Variants in PPARA observed in about 807,000 individuals in gnomAD.
The protein encoded by PPARA is peroxisome proliferator activated receptor alpha, also known as peroxisome proliferator-activated receptor alpha.
A neutral mutation model predicts 42.2 loss-of-function variants in PPARA; 22 were observed. The observed-to-expected ratio is 0.52, with a 90% confidence interval of 0.37 to 0.74. The LOEUF is 0.74. PPARA is among the 30% of genes least tolerant of loss of function. The pLI is 0.00. For synonymous variants in PPARA, 242 were observed against 239.3 expected (o/e 1.01, Z -0.10); for missense variants, 465 against 608.2 (o/e 0.76, Z 2.48).
rs1360901989 is a variant in PPARA at position 46,227,026 on chromosome 22, T to C, written c.712-4766T>C. Reference sequence around the variant, plus strand: ...GGGTGACCTCCAGGGTGCCGTGTTATAACAGGACTGCTCCTTTCAACAGCT... The same window carrying C: ...GGGTGACCTCCAGGGTGCCGTGTTACAACAGGACTGCTCCTTTCAACAGCT... On this transcript the variant is annotated intron_variant, in intron 7 of 8. Coordinates refer to ENST00000407236, the MANE Select transcript of PPARA (RefSeq NM_005036.6). This position sits in a 1 kb window ranked among gnomAD's most constrained non-coding sequence, Gnocchi z 4.3. 1.3e-5 allele frequency among the ~76,000 whole-genome samples: 2 copies of C among 152,162 alleles called. No individual in the cohort carries two copies. The highest frequency in any genetic ancestry group is 3.9e-4 in the East Asian group (2 of 5,184).
Position 46,184,982 on chromosome 22 carries a change from G to A in PPARA, c.-43+8146G>A, listed in dbSNP as rs561031006. Among the ~76,000 whole-genome samples, 22 of 152,248 alleles carry A rather than the reference G, an allele frequency of 1.4e-4. No individual in the cohort carries two copies. Among genetic ancestry groups the A allele is most frequent in the Non-Finnish European group, 3.1e-4 (21 of 68,046 alleles). On this transcript the variant is annotated intron_variant, in intron 3 of 8. Coordinates refer to ENST00000407236, the MANE Select transcript of PPARA (RefSeq NM_005036.6). This position sits in a 1 kb window ranked among gnomAD's most constrained non-coding sequence, Gnocchi z 4.4. ...TTTCCCAGTGAGTGACCATCTGTGT[G>A]TGTGTATTCATCCATTCCATGGAGT...
At chr22:46,185,620 C>T (rs1252646978) in intron 3 of PPARA, among the ~76,000 whole-genome samples, 3 of 151,658 alleles carry the variant, frequency 2.0e-5, no homozygotes, top group Non-Finnish European at 4.4e-5. Context: ...TCTGGCTGGG[C>T]GCGGTGGCTC....
At chr22:46,178,608 G>T (rs1162646985) in intron 3 of PPARA, among the ~76,000 whole-genome samples, 1 of 152,126 alleles carries the variant, frequency 6.6e-6, no homozygotes, top group African/African-American at 2.4e-5. Context: ...TATACAGAGG[G>T]ACTCCAGAGA....
rs1306610366 is a variant in PPARA at position 46,190,085 on chromosome 22, G to A, written c.-42-8257G>A. ...CTTCTGGGTTTGTTTATTCTGAAATGTTATTTTAAATCTTAGCCCAACAAA... is the reference window on the plus strand; with the variant it reads ...CTTCTGGGTTTGTTTATTCTGAAATATTATTTTAAATCTTAGCCCAACAAA... On this transcript the variant is annotated intron_variant, in intron 3 of 8. Transcript: ENST00000407236. The surrounding 1 kb of genome is among the most constrained non-coding windows in gnomAD (Gnocchi z 5.6). 2.6e-5 allele frequency among the ~76,000 whole-genome samples: 4 copies of A among 152,164 alleles called. No individual in the cohort carries two copies. The highest frequency in any genetic ancestry group is 4.8e-5 in the African/African-American group (2 of 41,432).
In PPARA at chr22:46,235,429, C is replaced by A. The variant is rs771960362; in HGVS notation, c.*49C>A. The A allele has an allele frequency of 1.2e-6, 2 of 1,604,976 alleles. No individual in the cohort carries two copies. The highest frequency in any genetic ancestry group is 1.1e-5 in the South Asian group (1 of 89,730). On this transcript the variant is annotated 3_prime_UTR_variant, in exon 9 of 9. Coordinates refer to ENST00000407236, the MANE Select transcript of PPARA (RefSeq NM_005036.6). The surrounding 1 kb of genome is among the most constrained non-coding windows in gnomAD (Gnocchi z 7.0). ...TTTCCAGGAGTTCTGAAGCTGACAG[C>A]ACTACAAAGGAGACGGGGGAGCAGC...
chr22:46,166,985 T>C (rs187259150), intron 2 of PPARA, among the ~76,000 whole-genome samples: 16 of 152,272 alleles, frequency 1.1e-4, no homozygotes, highest in African/African-American at 3.8e-4. Flanking sequence ...TCAAGAATTA[T>C]TATAAAGCTA....
chr22:46,231,943 C>T lies in PPARA; in HGVS notation c.863C>T (p.Thr288Met), dbSNP rs1238946487. 1.2e-6 allele frequency: 2 copies of T among 1,614,198 alleles called. No homozygotes were observed. Among genetic ancestry groups the T allele is most frequent in the Non-Finnish European group, 1.7e-6 (2 of 1,180,046 alleles). The part of the protein sequence containing the change: ...CTSVETVTEL[T>M]EFAKAIPGFA... Reference sequence around the variant, plus strand: ...TCAGTGGAGACCGTCACGGAGCTCACGGAATTCGCCAAGGCCATCCCAGGC... The same window carrying T: ...TCAGTGGAGACCGTCACGGAGCTCATGGAATTCGCCAAGGCCATCCCAGGC... The change falls in exon 8 of 9, where the codon ACG becomes ATG. Residue 288 changes from threonine (T) to methionine (M), a missense_variant. Around this residue, in one of 2 missense-constraint regions of PPARA, gnomAD observed 313 missense variants for 469.1 expected, o/e 0.67. Transcript: ENST00000407236. This position sits in a 1 kb window ranked among gnomAD's most constrained non-coding sequence, Gnocchi z 7.7.
In PPARA at chr22:46,242,673, G is replaced by A. The variant is rs1936403580; in HGVS notation, c.*7293G>A. ...TAAAAGCCTGGCTCTTGACCCTATT[G>A]GAAACACAAAGGAAGCTGAAATCAA... On this transcript the variant is annotated 3_prime_UTR_variant, in exon 9 of 9. Transcript: ENST00000407236. The surrounding 1 kb of genome is among the most constrained non-coding windows in gnomAD (Gnocchi z 6.1). 6.6e-6 allele frequency: 1 copy of A among 151,772 alleles called. No homozygotes were observed. Among genetic ancestry groups the A allele is most frequent in the South Asian group, 2.1e-4 (1 of 4,804 alleles). The allele number at this position is 151,772 out of a possible 1,614,324, so 9.4% of individuals were successfully genotyped here. A position where few individuals can be genotyped will look rare whatever the true frequency, so the allele number is the denominator to read the frequency against.
chr22:46,205,542 ATATATATATATATTTTTTTTTTTT>A (rs1933182123), intron 4 of PPARA, among the ~76,000 whole-genome samples: 1 of 29,596 alleles, frequency 3.4e-5, no homozygotes, highest in African/African-American at 1.7e-4. Flanking sequence ...ATATATATAT[ATATATATATATATTTTTTTTTTTT>A]TTTTTTTTTT....
intron 3 of PPARA, among the ~76,000 whole-genome samples, chr22:46,185,164 C>CTCT (rs1930489934): frequency 6.6e-6 from 1 of 152,194 alleles, no homozygotes; most frequent in South Asian, 2.1e-4. Flanking sequence ...GACTGGTCCT[C>CTCT]TCTTACTTCT....
chr22:46,227,564 T>G lies in PPARA; in HGVS notation c.712-4228T>G, dbSNP rs1473092650. 6.6e-6 allele frequency among the ~76,000 whole-genome samples: 1 copy of G among 152,184 alleles called. No homozygotes were observed. The highest frequency in any genetic ancestry group is 1.5e-5 in the Non-Finnish European group (1 of 68,026). The stretch of plus-strand genomic sequence containing the variant: ...ACTGCGCCTGGTCCACATTTAATTT[T>G]TTGCAAAAAGATGACAGCTGCTAAC... On this transcript the variant is annotated intron_variant, in intron 7 of 8. Transcript: ENST00000407236. This position sits in a 1 kb window ranked among gnomAD's most constrained non-coding sequence, Gnocchi z 4.3.
chr22:46,208,059 A>G (rs985696164), intron 4 of PPARA, among the ~76,000 whole-genome samples: 1 of 152,012 alleles, frequency 6.6e-6, no homozygotes, highest in Non-Finnish European at 1.5e-5. Flanking sequence ...TTGTTTCTCT[A>G]CATGTTATAT....
chr22:46,232,358 G>C lies in PPARA; in HGVS notation c.1159+119G>C. ...GTTCCAGTGGAGGGGACACTCACAT[G>C]GTGGGAAGACGTCTGACCCCCAGTC... On this transcript the variant is annotated intron_variant, in intron 8 of 8. Transcript: ENST00000407236. The surrounding 1 kb of genome is among the most constrained non-coding windows in gnomAD (Gnocchi z 5.3). 9.9e-7 allele frequency: 1 copy of C among 1,009,270 alleles called. No homozygotes were observed. Among genetic ancestry groups the C allele is most frequent in the Non-Finnish European group, 1.6e-6 (1 of 638,198 alleles). 62.5% of individuals were successfully genotyped at this position (1,009,270 alleles called of 1,614,324 possible). A position where few individuals can be genotyped will look rare whatever the true frequency, so the allele number is the denominator to read the frequency against.
rs2147519504 is a variant in PPARA, at chr22:46,212,841, C to G, written c.209-2332C>G. On this transcript the variant is annotated intron_variant, in intron 4 of 8. Coordinates refer to ENST00000407236, the MANE Select transcript of PPARA (RefSeq NM_005036.6). This position sits in a 1 kb window ranked among gnomAD's most constrained non-coding sequence, Gnocchi z 4.2. ...TGAAACGCTGTCTCTACTAAAAATA[C>G]AAAAATTAGCCGGGCGTGGTAATGG... is the stretch of plus-strand genomic sequence containing the variant. 6.6e-6 allele frequency among the ~76,000 whole-genome samples: 1 copy of G among 152,130 alleles called. No individual in the cohort carries two copies. The highest frequency in any genetic ancestry group is 1.5e-5 in the Non-Finnish European group (1 of 67,986).
At chr22:46,198,859 CTG>C (rs1398657846) in intron 4 of PPARA, among the ~76,000 whole-genome samples, 1 of 152,046 alleles carries the variant, frequency 6.6e-6, no homozygotes, top group African/African-American at 2.4e-5. Flanking sequence ...CGGGGTTTCA[CTG>C]TGTTAGCCAG....
rs1304482114 is a variant in PPARA, at chr22:46,225,635, C to T, written c.711+5621C>T. ...TGCATGCATGTGTACACAAACACACCCACACATACACATGCACCCACACGT... is the reference window on the plus strand; with the variant it reads ...TGCATGCATGTGTACACAAACACACTCACACATACACATGCACCCACACGT... On this transcript the variant is annotated intron_variant, in intron 7 of 8. Coordinates refer to ENST00000407236, the MANE Select transcript of PPARA (RefSeq NM_005036.6). This position sits in a 1 kb window ranked among gnomAD's most constrained non-coding sequence, Gnocchi z 4.1. 3.4e-5 allele frequency among the ~76,000 whole-genome samples: 5 copies of T among 147,352 alleles called. No individual in the cohort carries two copies. The East Asian group carries it at 8.3e-4, about 24-fold the overall frequency.
At position 46,240,038 on chromosome 22, in the gene PPARA, C is replaced by G. The variant is rs1201970585; in HGVS notation, c.*4658C>G. ...GCAAGCCCAATGCACCCAGCTAAGA[C>G]TGGCTTGACCGACAGCCTGGCCTTT... On this transcript the variant is annotated 3_prime_UTR_variant, in exon 9 of 9. Coordinates refer to ENST00000407236, the MANE Select transcript of PPARA (RefSeq NM_005036.6). The surrounding 1 kb of genome is among the most constrained non-coding windows in gnomAD (Gnocchi z 6.0). The G allele has an allele frequency of 5.0e-6, 2 of 397,726 alleles. No homozygotes were observed. The highest frequency in any genetic ancestry group is 4.1e-5 in the African/African-American group (2 of 48,608). The allele number at this position is 397,726 out of a possible 1,614,324, so 24.6% of individuals were successfully genotyped here. A position where few individuals can be genotyped will look rare whatever the true frequency, so the allele number is the denominator to read the frequency against.
chr22:46,189,891 G>C (rs1931311732), intron 3 of PPARA, among the ~76,000 whole-genome samples: 2 of 152,036 alleles, frequency 1.3e-5, no homozygotes, highest in Non-Finnish European at 1.5e-5. Flanking sequence ...ATTTTTAATA[G>C]AGATGGGGTT....
chr22:46,167,854 G>A lies in PPARA; in HGVS notation c.-126-8899G>A, dbSNP rs545339106. On this transcript the variant is annotated intron_variant, in intron 2 of 8. Coordinates refer to ENST00000407236, the MANE Select transcript of PPARA (RefSeq NM_005036.6). The surrounding 1 kb of genome is among the most constrained non-coding windows in gnomAD (Gnocchi z 4.1). Reference sequence around the variant, plus strand: ...GGCCAGGAGTCCGAGAGCAGCCTGGGCAACATAACAAGAGTGGGTCTTTAC... The same window carrying A: ...GGCCAGGAGTCCGAGAGCAGCCTGGACAACATAACAAGAGTGGGTCTTTAC... Among the ~76,000 whole-genome samples, 34 of 151,252 alleles carry A rather than the reference G, an allele frequency of 2.2e-4. No homozygotes were observed. The highest frequency in any genetic ancestry group is 2.0e-3 in the Admixed American group (30 of 15,134).
Sources: allele counts gnomAD v4.1 joint callset (sites outside exome capture counted in the v4.1 genomes callset), GRCh38; gene constraint gnomAD v4.1.1; regional missense constraint gnomAD v4.1.1; non-coding constraint Gnocchi (gnomAD v3.1); transcripts MANE v1.5; gene names NCBI Gene and HGNC (gene_info 2026-07-23, HGNC 2026-07-21).